Variants in ATR observed in about 807,000 individuals in gnomAD.
ATR encodes serine/threonine-protein kinase ATR.
In ATR, 142 loss-of-function variants were observed where a neutral mutation model predicts 305.3. That is an observed-to-expected ratio of 0.47 (90% CI 0.41 to 0.53). ATR has a LOEUF of 0.53. Ranked by LOEUF, ATR falls within the 20% of genes least tolerant of loss-of-function variation. The pLI, the probability that ATR is intolerant of heterozygous loss-of-function variation, is 0.00. For missense variants in ATR, 2,135 were observed against 3,133.1 expected (o/e 0.68, Z 7.60); for synonymous variants, 1,050 against 1,068.1 (o/e 0.98, Z 0.33).
At chr3:142,572,371 ACTTTTT>A (rs1560008480) in intron 1 of ATR, among the ~76,000 whole-genome samples, 1 of 49,002 alleles carries the variant, frequency 2.0e-5, no homozygotes, top group African/African-American at 6.8e-5. Flanking sequence ...GCCCGGCCTG[ACTTTTT>A]TTTTTTTTTT....
intron 21 of ATR, among the ~76,000 whole-genome samples, chr3:142,532,075 C>A (rs1014338277): frequency 2.0e-5 from 3 of 151,966 alleles, no homozygotes; most frequent in Non-Finnish European, 4.4e-5. Context: ...TGCCCTGCTT[C>A]GGCTCATGCT....
chr3:142,485,163 C>T lies in ATR; in HGVS notation c.6198G>A (p.Arg2066=). 2 of 1,614,104 alleles carry T rather than the reference C, an allele frequency of 1.2e-6. No homozygotes were observed. Among genetic ancestry groups the T allele is most frequent in the Non-Finnish European group, 1.7e-6 (2 of 1,180,010 alleles). ...ACCTGCCAAAATGAAGAACTATATA[C>T]CGGATGAGATCACCTTGCTTTTCCA... is the stretch of plus-strand genomic sequence containing the variant. ...NKMEKQGDLI[R]YIVLHFGRSL... is the part of the protein sequence containing the mutation. Residue 2066 remains arginine, a synonymous_variant, in exon 36 of 47, where the codon CGG becomes CGA. Coordinates refer to ENST00000350721, the MANE Select transcript of ATR (RefSeq NM_001184.4).
In ATR at chr3:142,451,246, C is replaced by T. The variant is rs1011627379; in HGVS notation, c.7762-1644G>A. ...ACATCCAGATGCAGGTGTGCAAGCT[C>T]CAGCTGTGGGACTGGCTAGCTGAGA... On this transcript the variant is annotated intron_variant, in intron 46 of 46. Transcript: ENST00000350721. 4.2e-6 allele frequency: 5 copies of T among 1,199,584 alleles called. No individual in the cohort carries two copies. In the South Asian group the frequency reaches 4.9e-5, roughly 12 times the overall value. 74.3% of individuals were successfully genotyped at this position (1,199,584 alleles called of 1,614,324 possible). A position where few individuals can be genotyped will look rare whatever the true frequency, so the allele number is the denominator to read the frequency against.
chr3:142,547,589 TA>T, intron 16 of ATR, 135 bp downstream of exon 16: 3 of 1,013,030 alleles, frequency 3.0e-6, no homozygotes, highest in Non-Finnish European at 2.9e-6. Flanking sequence ...CTTTTCAAAA[TA>T]AAAATACCAA....
rs754786501 is a variant in ATR, at chr3:142,553,956, CT to C, written c.2400del (p.Asp801MetfsTer2). 1 of 1,609,970 alleles carries C rather than the reference CT, an allele frequency of 6.2e-7. No individual in the cohort carries two copies. The highest frequency in any genetic ancestry group is 1.7e-5 in the Admixed American group (1 of 59,478). ...AAAGTTCCAAGAACTGCTTTTACAT[CT>C]GTTTCATCTTCTCTAAAATCAAGAT... ...CKHLDFREDE[T>X]DVKAVLGTLL... On this transcript the variant is annotated frameshift_variant, in exon 11 of 47. Coordinates refer to ENST00000350721, the MANE Select transcript of ATR (RefSeq NM_001184.4). LOFTEE classifies it high-confidence loss of function.
chr3:142,491,989 CAGAGT>C (rs1206162723), intron 35 of ATR, among the ~76,000 whole-genome samples: 10 of 152,122 alleles, frequency 6.6e-5, no homozygotes. Flanking sequence ...TCTTCATTCA[CAGAGT>C]AATTTTTTAA....
rs548971832 is a variant in ATR at position 142,478,820 on chromosome 3, A to T, written c.6221+6320T>A. Among the ~76,000 whole-genome samples, 5 of 152,182 alleles carry T rather than the reference A, an allele frequency of 3.3e-5. No homozygotes were observed. The East Asian group carries it at 9.7e-4, about 29-fold the overall frequency. ...TAGGATAGTTAGCTCTTCTTGTTGA[A>T]TTGATCCCTTTACCATTATGTAATG... On this transcript the variant is annotated intron_variant, in intron 36 of 46. Coordinates refer to ENST00000350721, the MANE Select transcript of ATR (RefSeq NM_001184.4).
At position 142,559,402 on chromosome 3, in the gene ATR, TTTC is replaced by T. The variant is rs2034798916; in HGVS notation, c.1578_1580del (p.Lys527del). ...ACATCCAAGTTATCACTACAGAAGGTTTCTTCTTGGATTTATGTTGACAGTCCT... is the reference window on the plus strand; with the variant it reads ...ACATCCAAGTTATCACTACAGAAGGTTTCTTGGATTTATGTTGACAGTCCT... On this transcript the variant is annotated inframe_deletion, in exon 7 of 47. Transcript: ENST00000350721. 2 of 1,613,940 alleles carry T rather than the reference TTTC, an allele frequency of 1.2e-6. No individual in the cohort carries two copies. The highest frequency in any genetic ancestry group is 1.7e-6 in the Non-Finnish European group (2 of 1,179,938).
At chr3:142,468,212 T>C (rs896975663) in intron 38 of ATR, 144 bp from the exon 39 acceptor site, 13 of 960,978 alleles carry the variant, frequency 1.4e-5, no homozygotes, top group Non-Finnish European at 1.7e-5. Context: ...TATTTGGCAA[T>C]GCTATCAAGA....
At chr3:142,529,832 AAAATTTTTTGGCCAGGAAGCTTTG>A (rs779441472) in intron 21 of ATR, among the ~76,000 whole-genome samples, 68 of 152,188 alleles carry the variant, frequency 4.5e-4, no homozygotes, top group Non-Finnish European at 7.9e-4. Context: ...TTTTTGAAAA[AAAATTTTTTGGCCAGGAAGCTTTG>A]AAGACTTTTT....
intron 46 of ATR, chr3:142,452,680 A>G (rs2070817165): frequency 2.8e-5 from 29 of 1,038,918 alleles, no homozygotes; most frequent in Non-Finnish European, 3.4e-5. Flanking sequence ...TCTCAAAAAC[A>G]ACAACCACCA....
At chr3:142,511,196 A>C (rs1384983042) in intron 27 of ATR, among the ~76,000 whole-genome samples, 1 of 151,184 alleles carries the variant, frequency 6.6e-6, no homozygotes, top group Non-Finnish European at 1.5e-5. Context: ...AACAGAGTAC[A>C]CACATACACA....
chr3:142,511,834 C>T (rs2032585163), intron 27 of ATR, among the ~76,000 whole-genome samples: 1 of 152,068 alleles, frequency 6.6e-6, no homozygotes, highest in Non-Finnish European at 1.5e-5. Flanking sequence ...CACAAAACAG[C>T]TGGGTGCGGT....
At position 142,453,197 on chromosome 3, in the gene ATR, T is replaced by C. The variant is rs1272166149; in HGVS notation, c.7692A>G (p.Glu2564=). 1.2e-6 allele frequency: 2 copies of C among 1,613,542 alleles called. No individual in the cohort carries two copies. The highest frequency in any genetic ancestry group is 2.7e-5 in the African/African-American group (2 of 74,930). ...AATGCCCTTTCACTGGTTTACTCCA[T>C]TCCACAAGAGGATCATGTAGAAAAG... ...LKTFLHDPLV[E]WSKPVKGHSK... Residue 2564 remains glutamate (E), a synonymous_variant, in exon 46 of 47, where the codon GAA becomes GAG. Transcript: ENST00000350721.
Position 142,512,443 on chromosome 3 carries a change from T to C in ATR, c.4669A>G (p.Lys1557Glu), listed in dbSNP as rs746399081. Residue 1557 changes from lysine (K) to glutamate (E), a missense_variant, in exon 27 of 47, where the codon AAG (lysine) becomes GAG (glutamate). Coordinates refer to ENST00000350721, the MANE Select transcript of ATR (RefSeq NM_001184.4). ...EVYAEIMAVLKHDDQHTINTQ... is the reference protein window; with the variant it reads ...EVYAEIMAVLEHDDQHTINTQ... ...TTTATGGTATGCTGATCGTCATGCT[T>C]TAGAACTGCCATAATTTCTGCATAA... is the stretch of plus-strand genomic sequence containing the variant. 6.2e-7 allele frequency: 1 copy of C among 1,612,638 alleles called. No homozygotes were observed. Among genetic ancestry groups the C allele is most frequent in the African/African-American group, 1.3e-5 (1 of 74,984 alleles).
intron 24 of ATR, among the ~76,000 whole-genome samples, chr3:142,516,309 G>A (rs2032857801): frequency 6.6e-6 from 1 of 152,006 alleles, no homozygotes; most frequent in Non-Finnish European, 1.5e-5. Context: ...GTATTCATCT[G>A]CTAACCTCCC....
chr3:142,502,928 T>G (rs1161452689), intron 30 of ATR, among the ~76,000 whole-genome samples: 1 of 152,218 alleles, frequency 6.6e-6, no homozygotes, highest in African/African-American at 2.4e-5. Flanking sequence ...CCACCTTCTT[T>G]AGGAAAGGAA....
At chr3:142,528,077 A>G (rs867424514) in intron 21 of ATR, among the ~76,000 whole-genome samples, 3 of 152,234 alleles carry the variant, frequency 2.0e-5, no homozygotes, top group Non-Finnish European at 4.4e-5. Context: ...TCTGTTGTTT[A>G]AAGTCATTCA....
chr3:142,562,266 A>G lies in ATR; in HGVS notation c.1136T>C (p.Leu379Pro). The G allele has an allele frequency of 1.9e-6, 3 of 1,614,118 alleles. No individual in the cohort carries two copies. Among genetic ancestry groups the G allele is most frequent in the Non-Finnish European group, 2.5e-6 (3 of 1,179,982 alleles). Residue 379 changes from leucine to proline, a missense_variant, in exon 4 of 47, where the codon CTT (leucine) becomes CCT (proline). By Grantham distance (98) the Leu-to-Pro change is moderately conservative (BLOSUM62 -3). Coordinates refer to ENST00000350721, the MANE Select transcript of ATR (RefSeq NM_001184.4). ...KVYVRNICKA[L>P]LDVLGIEVDA... ...TACCTCAATTCCAAGCACATCCAAA[A>G]GAGCTTTACAAATATTTCTCACATA...
Sources: allele counts gnomAD v4.1 joint callset (sites outside exome capture counted in the v4.1 genomes callset), GRCh38; gene constraint gnomAD v4.1.1; transcripts MANE v1.5; gene names NCBI Gene and HGNC (gene_info 2026-07-23, HGNC 2026-07-21).